The following FGD3 variants were observed in gnomAD, a reference collection of about 807,000 sequenced individuals.
The protein encoded by FGD3 is FYVE, RhoGEF and PH domain containing 3, also known as FYVE, RhoGEF and PH domain-containing protein 3.
A neutral mutation model predicts 71.8 loss-of-function variants in FGD3; 45 were observed. The observed-to-expected ratio is 0.63, with a 90% CI of 0.49 to 0.80. The LOEUF is 0.80. FGD3 is among the 30% of genes least tolerant of loss of function. The pLI is 0.00. For synonymous variants in FGD3, 378 were observed against 392.8 expected (o/e 0.96, Z 0.44); for missense variants, 844 against 951.5 (o/e 0.89, Z 1.49).
intron 1 of FGD3, among the ~76,000 whole-genome samples, chr9:92,960,527 T>C (rs1001132763): frequency 6.6e-6 from 1 of 152,156 alleles, no homozygotes; most frequent in Non-Finnish European, 1.5e-5. Context: ...CAGGTGTCAC[T>C]ACTAGACGTC....
chr9:93,018,218 A>G lies in FGD3; in HGVS notation c.1355+3A>G, dbSNP rs1861779322. ...AGGTCCCTGGAGCTGCAGACGCGGT[A>G]TGGAACGGGCTGTTTCTAGTGAATG... On this transcript the variant is annotated splice_donor_region_variant and intron_variant, in intron 11 of 17. Coordinates refer to ENST00000375482, the MANE Select transcript of FGD3 (RefSeq NM_001083536.2). The G allele has an allele frequency of 6.2e-7, 1 of 1,613,292 alleles. No individual in the cohort carries two copies. Among genetic ancestry groups the G allele is most frequent in the Non-Finnish European group, 8.5e-7 (1 of 1,179,190 alleles).
rs1860921537 is a variant in FGD3 at position 93,003,121 on chromosome 9, T to G, written c.543+107T>G. On this transcript the variant is annotated intron_variant, in intron 4 of 17. Coordinates refer to ENST00000375482, the MANE Select transcript of FGD3 (RefSeq NM_001083536.2). The surrounding 1 kb of genome is among the most constrained non-coding windows in gnomAD (Gnocchi z 4.1). The stretch of plus-strand genomic sequence containing the variant: ...ACTAAAACTCAGACAAATTTAAGTC[T>G]GGTCTACAAACTTTTTTTTTTTTTT... 2 of 1,118,706 alleles carry G rather than the reference T, an allele frequency of 1.8e-6. No individual in the cohort carries two copies. Among genetic ancestry groups the G allele is most frequent in the South Asian group, 2.8e-5 (2 of 70,596 alleles). The allele number at this position is 1,118,706 out of a possible 1,614,324, so 69.3% of individuals were successfully genotyped here.
intron 7 of FGD3, among the ~76,000 whole-genome samples, chr9:93,010,936 C>A (rs969576016): frequency 3.3e-5 from 5 of 151,934 alleles, no homozygotes; most frequent in Non-Finnish European, 7.4e-5. Flanking sequence ...GGTCCAAGGG[C>A]AGCAACTGGT....
intron 3 of FGD3, among the ~76,000 whole-genome samples, chr9:92,991,225 C>T (rs1860397075): frequency 6.6e-6 from 1 of 152,054 alleles, no homozygotes; most frequent in South Asian, 2.1e-4. Flanking sequence ...ATTACAGTCA[C>T]CCACCACCAC....
At chr9:93,027,025 GC>G (rs1382719745) in intron 14 of FGD3, among the ~76,000 whole-genome samples, 9 of 152,380 alleles carry the variant, frequency 5.9e-5, no homozygotes, top group African/African-American at 1.9e-4. Flanking sequence ...TGTGCTTGGA[GC>G]CCCCACTGTG....
intron 1 of FGD3, among the ~76,000 whole-genome samples, chr9:92,964,759 T>G (rs1859249931): frequency 6.6e-6 from 1 of 152,090 alleles, no homozygotes; most frequent in Admixed American, 6.6e-5. Context: ...TTCCATCGGC[T>G]GGCAGCGCAC....
In FGD3 at chr9:93,006,110, G is replaced by A; in HGVS notation, c.767G>A (p.Arg256Gln). 7 of 1,613,016 alleles carry A rather than the reference G, an allele frequency of 4.3e-6. No homozygotes were observed. The highest frequency in any genetic ancestry group is 5.1e-6 in the Non-Finnish European group (6 of 1,179,584). The change falls in exon 6 of 18, where the codon CGA (arginine) becomes CAA (glutamine). Residue 256 changes from arginine (R) to glutamine (Q), a missense_variant. Arg to Gln is a conservative substitution (Grantham distance 43). Transcript: ENST00000375482. ...MYGEYVKNFD[R>Q]AVGLVSTWTQ... Reference sequence around the variant, plus strand: ...GGCGAGTATGTCAAGAACTTTGACCGAGCCGTAGGGCTGGTGAGCACGTGG... The same window carrying A: ...GGCGAGTATGTCAAGAACTTTGACCAAGCCGTAGGGCTGGTGAGCACGTGG...
At chr9:92,949,657 C>T (rs1246625171) in intron 1 of FGD3, among the ~76,000 whole-genome samples, 5 of 152,194 alleles carry the variant, frequency 3.3e-5, no homozygotes, top group Admixed American at 3.3e-4. Flanking sequence ...CTCAGGTTGC[C>T]CAGGGCCACC....
intron 3 of FGD3, among the ~76,000 whole-genome samples, chr9:92,988,366 C>G (rs1181745616): frequency 1.3e-5 from 2 of 152,220 alleles, no homozygotes; most frequent in African/African-American, 4.8e-5. Context: ...TGCACAGGTT[C>G]CCTTACCTAC....
At chr9:93,027,338 G>C (rs1320850718) in intron 14 of FGD3, among the ~76,000 whole-genome samples, 1 of 152,212 alleles carries the variant, frequency 6.6e-6, no homozygotes, top group Non-Finnish European at 1.5e-5. Flanking sequence ...TACTACCTGA[G>C]GCTGAAGTCT....
rs1200434887 is a variant in FGD3 at position 92,976,387 on chromosome 9, G to C, written c.131G>C (p.Gly44Ala). ...ALPVGPRAHCGDPVSLAAAGD... is the reference protein window; with the variant it reads ...ALPVGPRAHCADPVSLAAAGD... The stretch of plus-strand genomic sequence containing the variant: ...CCTGTTGGGCCCAGAGCCCACTGTG[G>C]GGACCCTGTCAGCCTGGCTGCAGCA... The change falls in exon 3 of 18, where the codon GGG becomes GCG. Residue 44 changes from glycine to alanine, a missense_variant. Coordinates refer to ENST00000375482, the MANE Select transcript of FGD3 (RefSeq NM_001083536.2). 6.2e-7 allele frequency: 1 copy of C among 1,610,690 alleles called. No individual in the cohort carries two copies. Among genetic ancestry groups the C allele is most frequent in the South Asian group, 1.1e-5 (1 of 90,398 alleles).
chr9:93,034,932 G>A (rs1429328350), intron 17 of FGD3, among the ~76,000 whole-genome samples: 1 of 152,130 alleles, frequency 6.6e-6, no homozygotes, highest in Non-Finnish European at 1.5e-5. Context: ...CACAAAGGGT[G>A]GCCAGGAGCC....
At chr9:92,979,164 G>A (rs1260781050) in intron 3 of FGD3, among the ~76,000 whole-genome samples, 1 of 152,088 alleles carries the variant, frequency 6.6e-6, no homozygotes, top group African/African-American at 2.4e-5. Context: ...AGTGGTGAGA[G>A]TGGGCATCCT....
chr9:93,014,266 C>A (rs952466622), intron 9 of FGD3, among the ~76,000 whole-genome samples: 4 of 148,762 alleles, frequency 2.7e-5, no homozygotes, highest in Non-Finnish European at 5.9e-5. Context: ...GTAGCCCATA[C>A]CTCTTTCGTC....
intron 14 of FGD3, among the ~76,000 whole-genome samples, chr9:93,025,913 C>T (rs922271548): frequency 9.2e-5 from 14 of 152,220 alleles, no homozygotes; most frequent in Non-Finnish European, 1.9e-4. Context: ...TGTCCACCCT[C>T]GGGGCTCCAG....
At chr9:93,022,874 G>T (rs994656076) in intron 14 of FGD3, among the ~76,000 whole-genome samples, 1 of 152,100 alleles carries the variant, frequency 6.6e-6, no homozygotes, top group Non-Finnish European at 1.5e-5. Flanking sequence ...GCCTCTCCCC[G>T]TCTGTGTTCT....
At chr9:93,032,678 C>A in intron 15 of FGD3, 91 bp from the exon 16 acceptor site, 1 of 662,906 alleles carries the variant, frequency 1.5e-6, no homozygotes, top group Admixed American at 4.5e-5. Flanking sequence ...CCCGCCCACT[C>A]CACCTCCCGC....
At chr9:93,008,108 C>T (rs1861142359) in intron 6 of FGD3, among the ~76,000 whole-genome samples, 1 of 152,144 alleles carries the variant, frequency 6.6e-6, no homozygotes, top group Admixed American at 6.5e-5. Context: ...CATTGTTATG[C>T]ATTATTAACA....
In FGD3 at chr9:93,020,329, A is replaced by G. The variant is rs942266260; in HGVS notation, c.1399A>G (p.Thr467Ala). 1.2e-6 allele frequency: 2 copies of G among 1,612,050 alleles called. No homozygotes were observed. The highest frequency in any genetic ancestry group is 1.7e-6 in the Non-Finnish European group (2 of 1,179,296). The change falls in exon 13 of 18, where the codon ACC becomes GCC. Residue 467 changes from threonine (T) to alanine (A), a missense_variant. By Grantham distance (58) the Thr-to-Ala change is moderately conservative. Coordinates refer to ENST00000375482, the MANE Select transcript of FGD3 (RefSeq NM_001083536.2). Reference protein sequence around the residue: ...KKEWIQIIQATIEKHKQNSET... With the variant: ...KKEWIQIIQAAIEKHKQNSET... ...TTGCTGTGTCCAGATCATCCAGGCC[A>G]CCATCGAGAAGCACAAACAGAACAG...
Sources: allele counts gnomAD v4.1 joint callset (sites outside exome capture counted in the v4.1 genomes callset), GRCh38; gene constraint gnomAD v4.1.1; non-coding constraint Gnocchi (gnomAD v3.1); transcripts MANE v1.5; gene names NCBI Gene and HGNC (gene_info 2026-07-23, HGNC 2026-07-21).